The following ANKRD60 variants were observed in gnomAD, a reference collection of about 807,000 sequenced individuals.
ANKRD60 encodes ankyrin repeat domain-containing protein 60.
ANKRD60 carries 24 observed loss-of-function variants against 21.3 expected under a neutral mutation model. That is an observed-to-expected ratio of 1.13 (90% CI 0.82 to 1.59). The LOEUF is 1.59. Among genes scored for constraint, ANKRD60 ranks in the 40% most tolerant of loss-of-function variants. The pLI is 0.00. For missense variants in ANKRD60, 490 were observed against 466.7 expected (o/e 1.05, Z -0.46); for synonymous variants, 182 against 199.4 (o/e 0.91, Z 0.74).
chr20:58,218,581 C>G, exon 4 of ANKRD60: 3 of 1,551,764 alleles, frequency 1.9e-6, no homozygotes, highest in Non-Finnish European at 2.6e-6. Context: ...TCATTCAGAT[C>G]CCTTATCCCC....
downstream of ANKRD60, among the ~76,000 whole-genome samples, chr20:58,216,706 C>T (rs1453640033): frequency 6.6e-6 from 1 of 152,192 alleles, no homozygotes; most frequent in Non-Finnish European, 1.5e-5. Context: ...ATCTTACTTG[C>T]TATGACAGCA....
At chr20:58,219,828 G>C (rs749220995) in intron 3 of ANKRD60, among the ~76,000 whole-genome samples, 6 of 152,146 alleles carry the variant, frequency 3.9e-5, no homozygotes, top group Non-Finnish European at 8.8e-5. Flanking sequence ...TTTTTTAACT[G>C]GTGCCTTCAA....
Position 58,228,555 on chromosome 20 carries a change from G to A in ANKRD60, c.99C>T (p.Pro33=). The A allele has an allele frequency of 3.1e-6, 4 of 1,292,996 alleles. No individual in the cohort carries two copies. The highest frequency in any genetic ancestry group is 3.9e-6 in the Non-Finnish European group (4 of 1,022,934). 80.1% of individuals were successfully genotyped at this position (1,292,996 alleles called of 1,614,324 possible). ...GCGCACCGCTCCTGCGTCCCGCATT[G>A]GGGTGCAGGCGAGAGGCGCCCCCAG... Residue 33 remains proline (P), a synonymous_variant, in exon 1 of 4, where the codon CCC becomes CCT. Transcript: ENST00000457363. This position sits in a 1 kb window ranked among gnomAD's most constrained non-coding sequence, Gnocchi z 5.3.
At chr20:58,218,410 T>G, downstream of ANKRD60, 3 of 1,337,222 alleles carry the variant, frequency 2.2e-6, no homozygotes, top group Non-Finnish European at 3.1e-6. Context: ...TTTTCCTGCC[T>G]CCCTGCTCAC....
At chr20:58,218,226 C>T (rs537312401), downstream of ANKRD60, among the ~76,000 whole-genome samples, 6 of 152,262 alleles carry the variant, frequency 3.9e-5, no homozygotes, top group South Asian at 2.1e-4. Context: ...CCCTGAGCAG[C>T]GCTATTGGGT....
At chr20:58,221,573 G>A in intron 2 of ANKRD60, 70 bp from the exon 3 acceptor site, 2 of 1,482,592 alleles carry the variant, frequency 1.3e-6, no homozygotes, top group Non-Finnish European at 1.8e-6. Context: ...GGCTGATGGG[G>A]CATGCTCAGG....
At chr20:58,223,325 C>T (rs1025065623) in intron 1 of ANKRD60, 143 bp from the exon 2 acceptor site, 9 of 752,382 alleles carry the variant, frequency 1.2e-5, no homozygotes, top group Admixed American at 6.3e-5. Flanking sequence ...TTGATGGTGT[C>T]GCGTGGGTCT....
At chr20:58,221,003 T>C (rs1198952090) in intron 3 of ANKRD60, among the ~76,000 whole-genome samples, 1 of 152,170 alleles carries the variant, frequency 6.6e-6, no homozygotes, top group Non-Finnish European at 1.5e-5. Flanking sequence ...ACAGACAGCA[T>C]GCGAATATTC....
chr20:58,224,718 C>A (rs1349463506), intron 1 of ANKRD60, among the ~76,000 whole-genome samples: 1 of 152,226 alleles, frequency 6.6e-6, no homozygotes, highest in East Asian at 1.9e-4. Flanking sequence ...CTCCCTACAA[C>A]TTTGAAAATA....
chr20:58,217,231 C>G (rs1984154902), downstream of ANKRD60, among the ~76,000 whole-genome samples: 1 of 152,104 alleles, frequency 6.6e-6, no homozygotes, highest in Admixed American at 6.5e-5. Flanking sequence ...GAGTTCGAGA[C>G]CAACCTGGCC....
At position 58,228,577 on chromosome 20, in the gene ANKRD60, C is replaced by G. The variant is rs1338445735; in HGVS notation, c.77G>C (p.Gly26Ala). ...ATTGGGGTGCAGGCGAGAGGCGCCC[C>G]CAGTTGGCCCCGCCGCCCGCGCTCC... The change falls in exon 1 of 4, where the codon GGG becomes GCG. Residue 26 changes from glycine (G) to alanine (A), a missense_variant. Transcript: ENST00000457363. The surrounding 1 kb of genome is among the most constrained non-coding windows in gnomAD (Gnocchi z 5.3). 5.1e-6 allele frequency: 6 copies of G among 1,180,590 alleles called. No homozygotes were observed. The highest frequency in any genetic ancestry group is 6.3e-6 in the Non-Finnish European group (6 of 955,956). The allele number at this position is 1,180,590 out of a possible 1,614,324, so 73.1% of individuals were successfully genotyped here. A position where few individuals can be genotyped will look rare whatever the true frequency, so the allele number is the denominator to read the frequency against.
At chr20:58,223,061 A>G in exon 2 of ANKRD60, 1 of 1,547,866 alleles carries the variant, frequency 6.5e-7, no homozygotes, top group South Asian at 1.2e-5. Flanking sequence ...CCTTGCTGGG[A>G]TCCCCTTCCA....
intron 1 of ANKRD60, among the ~76,000 whole-genome samples, chr20:58,227,871 G>T (rs1162442170): frequency 1.3e-5 from 2 of 152,120 alleles, no homozygotes; most frequent in African/African-American, 4.8e-5. Flanking sequence ...GAAGACATGG[G>T]GAGCCTGAGG....
chr20:58,219,398 T>G (rs574732289), intron 3 of ANKRD60, among the ~76,000 whole-genome samples: 1 of 152,296 alleles, frequency 6.6e-6, no homozygotes, highest in East Asian at 1.9e-4. Context: ...TGACTTCCCC[T>G]CATAAACTCC....
In ANKRD60 at chr20:58,221,514, CAA is replaced by C. The variant is rs1984252700; in HGVS notation, c.562-13_562-12del. On this transcript the variant is annotated splice_polypyrimidine_tract_variant and intron_variant, in intron 2 of 3. Coordinates refer to ENST00000457363, the Ensembl canonical transcript of ANKRD60. ...CCCGAGACAAGATAGCTGGGCAAGA[CAA>C]GAGGAGTTTGAGTTATTCTCAAAAG... 6.4e-7 allele frequency: 1 copy of C among 1,550,880 alleles called. No individual in the cohort carries two copies. Among genetic ancestry groups the C allele is most frequent in the Non-Finnish European group, 8.7e-7 (1 of 1,146,504 alleles).
intron 3 of ANKRD60, among the ~76,000 whole-genome samples, chr20:58,219,847 C>T (rs1322674619): frequency 6.6e-6 from 1 of 152,188 alleles, no homozygotes; most frequent in African/African-American, 2.4e-5. Context: ...AAATACATCA[C>T]AGTTCTATCA....
At chr20:58,216,846 T>C (rs1316643410), downstream of ANKRD60, among the ~76,000 whole-genome samples, 1 of 152,204 alleles carries the variant, frequency 6.6e-6, no homozygotes, top group African/African-American at 2.4e-5. Context: ...CTGCCACACA[T>C]TTTGATTCCA....
downstream of ANKRD60, among the ~76,000 whole-genome samples, chr20:58,217,391 T>G (rs1984157414): frequency 6.6e-6 from 1 of 151,478 alleles, no homozygotes; most frequent in Admixed American, 6.6e-5. Context: ...ATGGCACCAC[T>G]GCACTCCAGC....
chr20:58,219,000 A>T (rs1984191358), intron 3 of ANKRD60, among the ~76,000 whole-genome samples, 195 bp from the exon 4 acceptor site: 1 of 151,950 alleles, frequency 6.6e-6, no homozygotes. Flanking sequence ...TCCTGCTCAG[A>T]TCCATCACTG....
Sources: gnomAD v4.1 joint callset for allele counts (sites outside exome capture counted in the v4.1 genomes callset) on GRCh38, gnomAD v4.1.1 for gene constraint, Gnocchi (gnomAD v3.1) non-coding constraint, MANE v1.5 for transcripts, NCBI Gene and HGNC (gene_info 2026-07-23, HGNC 2026-07-21) for gene names.